The following ELAVL2 variants were observed in gnomAD, a reference collection of about 807,000 sequenced individuals.
ELAVL2 encodes the protein ELAV-like protein 2.
ELAVL2 carries 4 observed loss-of-function variants against 34.6 expected under a neutral mutation model. That is an observed-to-expected ratio of 0.12 (90% CI 0.06 to 0.26). The LOEUF (loss-of-function observed/expected upper bound fraction) is 0.26, where lower values mean the gene tolerates loss of function less well. ELAVL2 is among the 10% of genes least tolerant of loss of function. The probability of loss-of-function intolerance (pLI) is 1.00; values close to 1 mark genes in which losing one functional copy is unlikely to be tolerated. For missense variants in ELAVL2, 432 were observed against 442.8 expected, an observed-to-expected ratio of 0.98 and a Z score of 0.22; for synonymous variants, 193 against 154.8, an observed-to-expected ratio of 1.25 and a Z score of -1.83.
chr9:23,757,315 A>G (rs973634008), intron 2 of ELAVL2, among the ~76,000 whole-genome samples: 41 of 152,204 alleles, frequency 2.7e-4, no homozygotes, highest in African/African-American at 9.1e-4. Flanking sequence ...CTTCATCTTT[A>G]AAGAGTGAGC....
Position 23,740,166 on chromosome 9 carries a change from A to T in ELAVL2, c.230-9041T>A, listed in dbSNP as rs1418118677. 3.3e-5 allele frequency among the ~76,000 whole-genome samples: 5 copies of T among 152,126 alleles called. No individual in the cohort carries two copies. In the East Asian group the frequency reaches 7.7e-4, roughly 24 times the overall value. On this transcript the variant is annotated intron_variant, in intron 2 of 6. Transcript: ENST00000397312. ...AAAGTCAGTAAGTTTGTCGGGGAAA[A>T]ATGCCCATTCCCACTGCCCCATAAA...
At chr9:23,705,682 T>A (rs944872660) in intron 3 of ELAVL2, among the ~76,000 whole-genome samples, 27 of 152,202 alleles carry the variant, frequency 1.8e-4, no homozygotes, top group African/African-American at 6.0e-4. Context: ...ATTCCTTGCA[T>A]GTGCAGTTCA....
intron 2 of ELAVL2, among the ~76,000 whole-genome samples, chr9:23,760,461 T>G (rs975052044): frequency 1.3e-5 from 2 of 151,878 alleles, no homozygotes; most frequent in Non-Finnish European, 2.9e-5. Context: ...AAAATCCACA[T>G]GTCAGGGGTG....
At chr9:23,836,685 G>T in the ELAVL2 span, among the ~76,000 whole-genome samples, 1 of 152,000 alleles carries the variant, frequency 6.6e-6, no homozygotes, top group Non-Finnish European at 1.5e-5. Context: ...GTTTGTGTGG[G>T]TGTGGTTTAG....
intron 1 of ELAVL2, among the ~76,000 whole-genome samples, chr9:23,773,392 G>GAGA (rs1018142765): frequency 1.3e-5 from 2 of 152,088 alleles, no homozygotes; most frequent in African/African-American, 2.4e-5. Flanking sequence ...ACCCAGCATA[G>GAGA]AGCTTCCTCT....
intron 3 of ELAVL2, among the ~76,000 whole-genome samples, chr9:23,712,718 G>T (rs2041305112): frequency 6.6e-6 from 1 of 152,120 alleles, no homozygotes; most frequent in South Asian, 2.1e-4. Context: ...CACTAGGGGA[G>T]ATTCTCATTT....
chr9:23,752,955 C>T (rs1317597888), intron 2 of ELAVL2, among the ~76,000 whole-genome samples: 2 of 152,262 alleles, frequency 1.3e-5, no homozygotes, highest in Non-Finnish European at 2.9e-5. Context: ...TTCTTCACAA[C>T]ACTTAGAGCA....
At chr9:23,782,989 A>C (rs1401501228) in intron 1 of ELAVL2, among the ~76,000 whole-genome samples, 1 of 152,156 alleles carries the variant, frequency 6.6e-6, no homozygotes, top group East Asian at 1.9e-4. Context: ...CCCCTCTCCC[A>C]TTTGAGAGCT....
At chr9:23,802,667 C>T (rs185037186) in intron 1 of ELAVL2, among the ~76,000 whole-genome samples, 45 of 152,186 alleles carry the variant, frequency 3.0e-4, no homozygotes, top group African/African-American at 8.4e-4. Flanking sequence ...CTCATACATC[C>T]GGGAAGTCAA....
chr9:23,729,430 A>C (rs1253339090), intron 3 of ELAVL2, among the ~76,000 whole-genome samples: 1 of 152,146 alleles, frequency 6.6e-6, no homozygotes, highest in Admixed American at 6.6e-5. Context: ...ATGTCTTTTT[A>C]AAGAACACTT....
In ELAVL2 at chr9:23,716,083, CAT is replaced by C. The variant is rs959995753; in HGVS notation, c.334-11014_334-11013del. ...TTACTTAAATCTTTGTTTTTCACCA[CAT>C]GTTCTCACTCATAGGTGGGAAGTGA... On this transcript the variant is annotated intron_variant, in intron 3 of 6. Transcript: ENST00000397312. Among the ~76,000 whole-genome samples, 10 of 147,964 alleles carry C rather than the reference CAT, an allele frequency of 6.8e-5. 1 individual carries two copies. Among genetic ancestry groups the C allele is most frequent in the African/African-American group, 2.5e-4 (10 of 39,872 alleles).
At chr9:23,746,990 T>A (rs527588564) in intron 2 of ELAVL2, among the ~76,000 whole-genome samples, 2 of 152,196 alleles carry the variant, frequency 1.3e-5, no homozygotes, top group African/African-American at 4.8e-5. Context: ...ACCTTCACAG[T>A]ATGACAATTC....
At chr9:23,725,606 G>T (rs1033335817) in intron 3 of ELAVL2, among the ~76,000 whole-genome samples, 2 of 152,100 alleles carry the variant, frequency 1.3e-5, no homozygotes, top group Non-Finnish European at 2.9e-5. Flanking sequence ...TTTTATAAAA[G>T]AACAAATTAT....
At chr9:23,699,812 G>GTTTTTTTTTTTTTTTTTT (rs199637833) in intron 5 of ELAVL2, among the ~76,000 whole-genome samples, 2 of 82,978 alleles carry the variant, frequency 2.4e-5, no homozygotes, top group East Asian at 4.5e-4. Context: ...GGTGGCAAAG[G>GTTTTTTTTTTTTTTTTTT]TTTTTTTTTT....
chr9:23,809,699 G>C (rs950739982), intron 1 of ELAVL2, among the ~76,000 whole-genome samples: 1 of 152,004 alleles, frequency 6.6e-6, no homozygotes, highest in Non-Finnish European at 1.5e-5. Context: ...AAATTTTCCT[G>C]AATTTCTCCT....
the ELAVL2 span, among the ~76,000 whole-genome samples, chr9:23,848,161 G>A: frequency 2.0e-5 from 3 of 152,016 alleles, no homozygotes; most frequent in Admixed American, 6.6e-5. Flanking sequence ...GGTAGTGTTA[G>A]TATAGTTCAG....
At chr9:23,762,912 G>C (rs1189120851) in intron 1 of ELAVL2, among the ~76,000 whole-genome samples, 1 of 152,048 alleles carries the variant, frequency 6.6e-6, no homozygotes, top group Non-Finnish European at 1.5e-5. Flanking sequence ...ACTTGGGAAT[G>C]AGCTATGAAT....
intron 1 of ELAVL2, among the ~76,000 whole-genome samples, chr9:23,773,604 T>G (rs1280382216): frequency 6.6e-6 from 1 of 152,094 alleles, no homozygotes; most frequent in Non-Finnish European, 1.5e-5. Context: ...TATTCCCAAG[T>G]GTTGATGAGA....
chr9:23,743,105 T>TA lies in ELAVL2; in HGVS notation c.230-11981dup, dbSNP rs2049665142. On this transcript the variant is annotated intron_variant, in intron 2 of 6. Coordinates refer to ENST00000397312, the MANE Select transcript of ELAVL2 (RefSeq NM_004432.5). The stretch of plus-strand genomic sequence containing the variant: ...ATTGAGCTGTACATGGTTAAAGTTG[T>TA]AAAGGCTATGGGTCAGATGGGAACC... 2.0e-5 allele frequency among the ~76,000 whole-genome samples: 3 copies of TA among 152,298 alleles called. No individual in the cohort carries two copies. The South Asian group carries it at 6.2e-4, about 32-fold the overall frequency.
Sources: gnomAD v4.1 joint callset for allele counts (sites outside exome capture counted in the v4.1 genomes callset) on GRCh38, gnomAD v4.1.1 for gene constraint, MANE v1.5 for transcripts, NCBI Gene and HGNC (gene_info 2026-07-23, HGNC 2026-07-21) for gene names.